The following SEC24D variants were observed in gnomAD, a reference collection of about 807,000 sequenced individuals.
The protein encoded by SEC24D is SEC24 homolog D, COPII component.
SEC24D carries 69 observed loss-of-function variants against 116.9 expected under a neutral mutation model. The ratio of observed to expected loss-of-function variants is 0.59; its 90% CI spans 0.49 to 0.72. SEC24D has a LOEUF of 0.72. Ranked by LOEUF, SEC24D falls within the 30% of genes least tolerant of loss-of-function variation. The pLI is 0.00. For missense variants in SEC24D, 1,131 were observed against 1,264.1 expected (o/e 0.89, Z 1.60); for synonymous variants, 405 against 442.8 (o/e 0.91, Z 1.07).
intron 18 of SEC24D, 45 bp from the exon 19 acceptor site, chr4:118,738,424 A>G (rs1267848701): frequency 8.0e-7 from 1 of 1,246,728 alleles, no homozygotes; most frequent in Non-Finnish European, 1.2e-6. Flanking sequence ...TAGCTCAGAC[A>G]CTGATCTCTT....
chr4:118,740,602 C>T lies in SEC24D; in HGVS notation c.2238+61G>A, dbSNP rs1726179051. ...CACATTTGATGGTATTTCAGTCTCCCCACTGATCATTGTCGGCAACAAACT... is the reference window on the plus strand; with the variant it reads ...CACATTTGATGGTATTTCAGTCTCCTCACTGATCATTGTCGGCAACAAACT... On this transcript the variant is annotated intron_variant, in intron 17 of 22. Transcript: ENST00000280551. 1.0e-5 allele frequency: 16 copies of T among 1,563,804 alleles called. No homozygotes were observed. The South Asian group carries it at 1.7e-4, about 17-fold the overall frequency.
At chr4:118,784,334 T>A (rs1463678116) in intron 8 of SEC24D, among the ~76,000 whole-genome samples, 1 of 152,202 alleles carries the variant, frequency 6.6e-6, no homozygotes, top group Non-Finnish European at 1.5e-5. Context: ...TAAAAGTTGA[T>A]AAATATGAAA....
At chr4:118,740,540 T>C in intron 17 of SEC24D, 123 bp downstream of exon 17, 1 of 1,084,572 alleles carries the variant, frequency 9.2e-7, no homozygotes, top group Non-Finnish European at 1.3e-6. Flanking sequence ...ACTTTTGACT[T>C]TGGAGAAAGA....
At chr4:118,796,210 T>C (rs575652432) in intron 8 of SEC24D, among the ~76,000 whole-genome samples, 90 of 152,318 alleles carry the variant, frequency 5.9e-4, no homozygotes, top group African/African-American at 2.1e-3. Context: ...AACACAATGT[T>C]GAAAATAGCT....
chr4:118,793,506 C>G (rs1288698103), intron 8 of SEC24D, among the ~76,000 whole-genome samples: 2 of 147,428 alleles, frequency 1.4e-5, no homozygotes, highest in African/African-American at 5.0e-5. Context: ...GGCCCAAACA[C>G]TTGGTAGCAC....
intron 2 of SEC24D, among the ~76,000 whole-genome samples, chr4:118,827,547 TTAATA>T (rs1346331537): frequency 1.5e-4 from 23 of 152,332 alleles, no homozygotes; most frequent in African/African-American, 5.5e-4. Context: ...TCTATTAATA[TTAATA>T]TAAGGTCTTG....
At chr4:118,743,005 G>A (rs925188236) in intron 15 of SEC24D, among the ~76,000 whole-genome samples, 1 of 152,034 alleles carries the variant, frequency 6.6e-6, no homozygotes, top group Non-Finnish European at 1.5e-5. Context: ...TCTGTGCCGG[G>A]GCGCATAAGT....
In SEC24D at chr4:118,805,880, A is replaced by G. The variant is rs144412237; in HGVS notation, c.876T>C (p.Pro292=). ...VYATNTRGQI[P]PLVTTDCMIQ... is the part of the protein sequence containing the mutation. The stretch of plus-strand genomic sequence containing the variant: ...TCATGCAATCTGTAGTGACCAGGGG[A>G]GGGATCTGGCCTCTGGTGTTGGTGG... Residue 292 remains proline (P), a synonymous_variant, in exon 7 of 23, where the codon CCT becomes CCC. Coordinates refer to ENST00000280551, the MANE Select transcript of SEC24D (RefSeq NM_014822.4). 147 of 1,589,726 alleles carry G rather than the reference A, an allele frequency of 9.2e-5. No individual in the cohort carries two copies. Among genetic ancestry groups the G allele is most frequent in the Non-Finnish European group, 1.2e-4 (144 of 1,169,702 alleles).
At chr4:118,832,629 A>G (rs993409133) in intron 2 of SEC24D, among the ~76,000 whole-genome samples, 3 of 152,242 alleles carry the variant, frequency 2.0e-5, no homozygotes, top group Non-Finnish European at 4.4e-5. Context: ...CTGTGACCTT[A>G]GACAAGTCAC....
At chr4:118,763,404 C>A (rs1727481681) in intron 10 of SEC24D, among the ~76,000 whole-genome samples, 8 of 152,030 alleles carry the variant, frequency 5.3e-5, no homozygotes, top group Admixed American at 5.3e-4. Context: ...TGTTCATTAT[C>A]ATCTACACTC....
chr4:118,735,316 GAAA>G (rs2110434669), intron 19 of SEC24D, among the ~76,000 whole-genome samples: 1 of 152,250 alleles, frequency 6.6e-6, no homozygotes, highest in African/African-American at 2.4e-5. Flanking sequence ...AGGTGAGGAA[GAAA>G]ATGTGGCCAT....
chr4:118,723,726 C>T, intron 22 of SEC24D, 71 bp from the exon 23 acceptor site: 1 of 1,532,866 alleles, frequency 6.5e-7, no homozygotes, highest in Non-Finnish European at 8.8e-7. Flanking sequence ...TCAATTTTGT[C>T]TATTTCAATT....
At chr4:118,776,564 G>T (rs556575832) in intron 8 of SEC24D, among the ~76,000 whole-genome samples, 1 of 152,288 alleles carries the variant, frequency 6.6e-6, no homozygotes, top group South Asian at 2.1e-4. Context: ...GGTCTGTTTG[G>T]ATTGGGTTAT....
intron 6 of SEC24D, among the ~76,000 whole-genome samples, chr4:118,812,130 C>A (rs1368593280): frequency 1.3e-5 from 2 of 152,138 alleles, no homozygotes; most frequent in Non-Finnish European, 2.9e-5. Flanking sequence ...CCCAGTATAC[C>A]GTACTTGACA....
At chr4:118,835,676 A>G (rs535564367) in intron 1 of SEC24D, among the ~76,000 whole-genome samples, 1 of 152,352 alleles carries the variant, frequency 6.6e-6, no homozygotes, top group South Asian at 2.1e-4. Context: ...GAGGATCCTA[A>G]CAAGGCAGTT....
intron 8 of SEC24D, among the ~76,000 whole-genome samples, chr4:118,776,050 T>C (rs543948441): frequency 1.3e-5 from 2 of 151,534 alleles, no homozygotes; most frequent in East Asian, 3.9e-4. Context: ...TCAATAAATA[T>C]TTGAGTGGAT....
intron 10 of SEC24D, among the ~76,000 whole-genome samples, chr4:118,758,996 A>T (rs1401113155): frequency 6.6e-6 from 1 of 152,176 alleles, no homozygotes; most frequent in Non-Finnish European, 1.5e-5. Flanking sequence ...AATGGATGAA[A>T]ATAACAACCT....
intron 10 of SEC24D, 52 bp from the exon 11 acceptor site, chr4:118,757,897 A>G (rs1360830968): frequency 6.9e-7 from 1 of 1,454,116 alleles, no homozygotes; most frequent in African/African-American, 1.4e-5. Flanking sequence ...TTGCATAATC[A>G]AATGTCAATA....
rs28579392 is a variant in SEC24D at position 118,741,383 on chromosome 4, G to A, written c.1996-346C>T. Among the ~76,000 whole-genome samples, 1,052 of 152,274 alleles carry A rather than the reference G, an allele frequency of 6.9e-3. 11 individuals are homozygous for A. Among genetic ancestry groups the A allele is most frequent in the African/African-American group, 0.023 (966 of 41,558 alleles). On this transcript the variant is annotated intron_variant, in intron 15 of 22. Coordinates refer to ENST00000280551, the MANE Select transcript of SEC24D (RefSeq NM_014822.4). ...ACCCAATGTATAATACCCGTTTAATGAGGCTAGGGAAAGACCTTGCAATTG... is the reference window on the plus strand; with the variant it reads ...ACCCAATGTATAATACCCGTTTAATAAGGCTAGGGAAAGACCTTGCAATTG...
Sources: gnomAD v4.1 joint callset for allele counts (sites outside exome capture counted in the v4.1 genomes callset) on GRCh38, gnomAD v4.1.1 for gene constraint, MANE v1.5 for transcripts, NCBI Gene and HGNC (gene_info 2026-07-23, HGNC 2026-07-21) for gene names.